The following NRXN1 variants were observed in gnomAD, a reference collection of about 807,000 sequenced individuals.
The protein encoded by NRXN1 is neurexin-1.
In NRXN1, 39 loss-of-function variants were observed where a neutral mutation model predicts 150.9. The observed-to-expected ratio is 0.26, with a 90% CI of 0.20 to 0.34. The LOEUF (loss-of-function observed/expected upper bound fraction) is 0.34. NRXN1 is among the 10% of genes least tolerant of loss of function. The probability of loss-of-function intolerance (pLI) is 1.00; values close to 1 mark genes in which losing one functional copy is unlikely to be tolerated. For missense variants in NRXN1, 1,815 were observed against 1,949.9 expected, an observed-to-expected ratio of 0.93 and a Z score of 1.30; for synonymous variants, 924 against 757.0, an observed-to-expected ratio of 1.22 and a Z score of -3.62.
intron 5 of NRXN1, among the ~76,000 whole-genome samples, chr2:50,806,391 C>A (rs1667513420): frequency 6.6e-6 from 1 of 152,114 alleles, no homozygotes; most frequent in South Asian, 2.1e-4. Flanking sequence ...CCCATTATAA[C>A]ATATACTTTA....
rs529194419 is a variant in NRXN1 at position 50,097,917 on chromosome 2, G to A, written c.3547-6423C>T. On this transcript the variant is annotated intron_variant, in intron 18 of 22. Coordinates refer to ENST00000401669, the MANE Select transcript of NRXN1 (RefSeq NM_001330078.2). ...GCCTCTCAGACTGCTGGGATTACAC[G>A]TGTGAGCCACTGCCCCCAGCCACCC... Among the ~76,000 whole-genome samples the A allele has an allele frequency of 5.9e-5, 9 of 152,212 alleles. No individual in the cohort carries two copies. In the South Asian group the frequency reaches 6.2e-4, roughly 11 times the overall value.
intron 8 of NRXN1, among the ~76,000 whole-genome samples, chr2:50,561,648 AC>A (rs1276629897): frequency 6.6e-6 from 1 of 152,200 alleles, no homozygotes; most frequent in Non-Finnish European, 1.5e-5. Flanking sequence ...AGAGCAGCCC[AC>A]TTTTTAGCAA....
chr2:50,439,601 T>C (rs1011406080), intron 17 of NRXN1, among the ~76,000 whole-genome samples: 7 of 151,898 alleles, frequency 4.6e-5, no homozygotes, highest in Non-Finnish European at 1.0e-4. Context: ...GGTCAGGAGA[T>C]TGAGACCATC....
At chr2:50,258,236 C>A (rs946621433) in intron 17 of NRXN1, among the ~76,000 whole-genome samples, 6 of 152,068 alleles carry the variant, frequency 3.9e-5, no homozygotes, top group African/African-American at 7.2e-5. Flanking sequence ...AGCATTTTAA[C>A]CACAATAGAC....
intron 18 of NRXN1, among the ~76,000 whole-genome samples, chr2:50,107,540 T>TATATA (rs1553617159): frequency 1.9e-4 from 21 of 110,462 alleles, no homozygotes; most frequent in African/African-American, 6.7e-4. Flanking sequence ...TATATATATA[T>TATATA]TTTTTTTTTT....
chr2:50,506,503 G>A lies in NRXN1; in HGVS notation c.2489C>T (p.Ala830Val), dbSNP rs267599407. The change falls in exon 13 of 23, where the codon GCC becomes GTC. Residue 830 changes from alanine (A) to valine (V), a missense_variant. Coordinates refer to ENST00000401669, the MANE Select transcript of NRXN1 (RefSeq NM_001330078.2). ...SLKLTVDDQQAMTGQMAGDHT... is the reference protein window; with the variant it reads ...SLKLTVDDQQVMTGQMAGDHT... ...GGGACAGAGGTGTTTACCTGTCATG[G>A]CCTGTTGGTCATCCACTGTTAACTT... 7 of 1,612,596 alleles carry A rather than the reference G, an allele frequency of 4.3e-6. No homozygotes were observed. The highest frequency in any genetic ancestry group is 5.9e-6 in the Non-Finnish European group (7 of 1,179,130).
chr2:50,351,737 G>T (rs2078427134), intron 17 of NRXN1, among the ~76,000 whole-genome samples: 1 of 152,088 alleles, frequency 6.6e-6, no homozygotes, highest in African/African-American at 2.4e-5. Flanking sequence ...ATGATATGAG[G>T]TAGGTACTAT....
chr2:50,615,135 C>G lies in NRXN1; in HGVS notation c.1320+4887G>C, dbSNP rs577016149. Among the ~76,000 whole-genome samples the G allele has an allele frequency of 3.3e-5, 5 of 152,286 alleles. No individual in the cohort carries two copies. The East Asian group carries it at 9.7e-4, about 29-fold the overall frequency. On this transcript the variant is annotated intron_variant, in intron 8 of 22. Coordinates refer to ENST00000401669, the MANE Select transcript of NRXN1 (RefSeq NM_001330078.2). Reference sequence around the variant, plus strand: ...AAATGTTTCTAAGTGTAATTAAAGGCTGAGCCGATCTAATTAGGTTGATGA... The same window carrying G: ...AAATGTTTCTAAGTGTAATTAAAGGGTGAGCCGATCTAATTAGGTTGATGA...
Position 50,278,261 on chromosome 2 carries a change from ATATTATATATG to A in NRXN1, c.3365-41302_3365-41292del, listed in dbSNP as rs1186878294. ...TATATAATATATATATATATTATAT[ATATTATATATG>A]TATTATATATATAATACATATATAA... On this transcript the variant is annotated intron_variant, in intron 17 of 22. Coordinates refer to ENST00000401669, the MANE Select transcript of NRXN1 (RefSeq NM_001330078.2). 5.5e-3 allele frequency among the ~76,000 whole-genome samples: 569 copies of A among 103,878 alleles called. 9 individuals are homozygous for A. The highest frequency in any genetic ancestry group is 0.02 in the African/African-American group (505 of 25,392). The allele number at this position is 103,878 out of a possible 152,430, so 68.1% of individuals were successfully genotyped here.
chr2:50,027,553 C>T (rs1688550688), intron 21 of NRXN1, among the ~76,000 whole-genome samples: 1 of 152,094 alleles, frequency 6.6e-6, no homozygotes, highest in African/African-American at 2.4e-5. Flanking sequence ...AGCAATCCTC[C>T]CAACTCAGCT....
intron 2 of NRXN1, among the ~76,000 whole-genome samples, chr2:50,927,951 C>T (rs1423382656): frequency 6.6e-6 from 1 of 151,932 alleles, no homozygotes; most frequent in African/African-American, 2.4e-5. Context: ...TAGGAATGCA[C>T]TAAGTAGGGC....
intron 13 of NRXN1, 79 bp from the exon 14 acceptor site, chr2:50,497,793 A>G: frequency 1.5e-6 from 2 of 1,366,334 alleles, no homozygotes; most frequent in South Asian, 1.4e-5. Flanking sequence ...ACAATATCAC[A>G]TTCTAAAATA....
chr2:50,133,186 G>T (rs1705809037), intron 18 of NRXN1, among the ~76,000 whole-genome samples: 1 of 148,052 alleles, frequency 6.8e-6, no homozygotes, highest in Non-Finnish European at 1.5e-5. Context: ...CATGTAGCTG[G>T]CTTAGGCTTG....
intron 17 of NRXN1, among the ~76,000 whole-genome samples, chr2:50,241,457 C>A (rs541097381): frequency 1.2e-4 from 18 of 151,802 alleles, no homozygotes; most frequent in South Asian, 2.1e-4. Flanking sequence ...ACATCAGTAC[C>A]ATGACTACTA....
At chr2:50,424,501 G>A (rs1340591932) in intron 17 of NRXN1, among the ~76,000 whole-genome samples, 1 of 152,104 alleles carries the variant, frequency 6.6e-6, no homozygotes, top group Non-Finnish European at 1.5e-5. Context: ...CACCGGCTTA[G>A]AGAGAGTGTA....
intron 5 of NRXN1, among the ~76,000 whole-genome samples, chr2:50,664,095 T>C (rs1239767569): frequency 6.6e-6 from 1 of 152,008 alleles, no homozygotes; most frequent in Non-Finnish European, 1.5e-5. Flanking sequence ...GCTTACAGTC[T>C]ATTATGGCAG....
intron 18 of NRXN1, among the ~76,000 whole-genome samples, chr2:50,173,575 T>C (rs752635755): frequency 6.6e-6 from 1 of 152,172 alleles, no homozygotes; most frequent in African/African-American, 2.4e-5. Flanking sequence ...TTTGTGATAA[T>C]TATTTGCCAT....
chr2:50,812,403 G>A (rs1030431041), intron 5 of NRXN1, among the ~76,000 whole-genome samples: 3 of 152,118 alleles, frequency 2.0e-5, no homozygotes, highest in South Asian at 2.1e-4. Context: ...TAGCATCAGA[G>A]TGACACCCAG....
At chr2:50,265,265 A>T (rs694010) in intron 17 of NRXN1, among the ~76,000 whole-genome samples, 62,623 of 151,832 alleles carry the variant, frequency 0.41, 13,119 homozygotes, top group Middle Eastern at 0.46. Context: ...AAAAATGTGT[A>T]CTCTGATCTG....
Sources: allele counts gnomAD v4.1 joint callset (sites outside exome capture counted in the v4.1 genomes callset), GRCh38; gene constraint gnomAD v4.1.1; transcripts MANE v1.5; gene names NCBI Gene and HGNC (gene_info 2026-07-23, HGNC 2026-07-21).